Variants in CDH18 observed in about 807,000 individuals in gnomAD.
CDH18 encodes cadherin-18.
CDH18 carries 31 observed loss-of-function variants against 67.9 expected under a neutral mutation model. That is an observed-to-expected ratio of 0.46 (90% CI 0.34 to 0.62). CDH18 has a LOEUF of 0.62. Among genes scored for constraint, CDH18 ranks in the 20% least tolerant of loss-of-function variants. The probability of loss-of-function intolerance (pLI) is 0.01; values close to 1 mark genes in which losing one functional copy is unlikely to be tolerated. For synonymous variants in CDH18, 362 were observed against 347.2 expected (o/e 1.04, Z -0.48); for missense variants, 890 against 975.5 (o/e 0.91, Z 1.17).
At chr5:20,443,765 T>C (rs1308875345) in intron 1 of CDH18, among the ~76,000 whole-genome samples, 3 of 151,952 alleles carry the variant, frequency 2.0e-5, no homozygotes, top group Non-Finnish European at 2.9e-5. Flanking sequence ...ATCATTTCTC[T>C]ATCTCTCATT....
At chr5:19,906,035 C>T (rs1000776024) in intron 2 of CDH18, among the ~76,000 whole-genome samples, 5 of 151,858 alleles carry the variant, frequency 3.3e-5, no homozygotes, top group African/African-American at 7.3e-5. Flanking sequence ...GTGTGTTTTC[C>T]GAAATCAAAC....
At chr5:20,238,637 G>A (rs572838566) in intron 2 of CDH18, among the ~76,000 whole-genome samples, 31 of 152,190 alleles carry the variant, frequency 2.0e-4, no homozygotes, top group African/African-American at 6.3e-4. Flanking sequence ...ACTTCAAAAA[G>A]CAGTTAAACA....
intron 5 of CDH18, among the ~76,000 whole-genome samples, chr5:19,709,285 T>C (rs1412145928): frequency 1.3e-5 from 2 of 152,100 alleles, no homozygotes; most frequent in African/African-American, 4.8e-5. Flanking sequence ...AGAAAAGGCT[T>C]GGCCCAGCAC....
intron 1 of CDH18, among the ~76,000 whole-genome samples, chr5:20,500,851 G>T (rs1581115154): frequency 6.6e-6 from 1 of 152,256 alleles, no homozygotes; most frequent in African/African-American, 2.4e-5. Flanking sequence ...TACAGTGTTT[G>T]ATTGTATAAC....
At chr5:19,799,789 C>G (rs938873608) in intron 3 of CDH18, among the ~76,000 whole-genome samples, 1 of 152,068 alleles carries the variant, frequency 6.6e-6, no homozygotes, top group Non-Finnish European at 1.5e-5. Context: ...CATGCATTAT[C>G]TTTTATGTGC....
intron 1 of CDH18, among the ~76,000 whole-genome samples, chr5:19,983,776 G>A (rs1403485941): frequency 2.0e-5 from 3 of 152,164 alleles, no homozygotes; most frequent in African/African-American, 4.8e-5. Context: ...ACCACACTTA[G>A]AAGTCAAAAC....
intron 2 of CDH18, among the ~76,000 whole-genome samples, chr5:19,878,412 T>A (rs931556233): frequency 6.6e-6 from 1 of 152,214 alleles, no homozygotes. Flanking sequence ...CACAAACAAT[T>A]GTTAGGAACT....
chr5:19,713,162 A>G (rs1163645151), intron 5 of CDH18, among the ~76,000 whole-genome samples: 1 of 151,998 alleles, frequency 6.6e-6, no homozygotes, highest in Admixed American at 6.6e-5. Context: ...CGAGGTCACA[A>G]AAAAAAGAAG....
At chr5:19,905,694 C>A (rs1167873198) in intron 2 of CDH18, among the ~76,000 whole-genome samples, 2 of 151,760 alleles carry the variant, frequency 1.3e-5, no homozygotes, top group African/African-American at 2.4e-5. Flanking sequence ...TAGGAAGTGT[C>A]AGTTGGGGGT....
At chr5:20,030,486 A>C (rs557630751) in intron 2 of CDH18, among the ~76,000 whole-genome samples, 1 of 152,280 alleles carries the variant, frequency 6.6e-6, no homozygotes, top group East Asian at 1.9e-4. Context: ...TTGTTCCAGG[A>C]TCAACAGACA....
intron 5 of CDH18, among the ~76,000 whole-genome samples, chr5:19,683,777 T>C (rs1454274765): frequency 6.6e-6 from 1 of 152,142 alleles, no homozygotes; most frequent in South Asian, 2.1e-4. Flanking sequence ...TACACACTCA[T>C]TACAATTTTA....
At chr5:20,205,348 A>T (rs922418402) in intron 2 of CDH18, among the ~76,000 whole-genome samples, 12 of 152,002 alleles carry the variant, frequency 7.9e-5, no homozygotes, top group Non-Finnish European at 1.6e-4. Context: ...ATAAATATGC[A>T]TCCAACATTG....
At chr5:19,712,822 T>A (rs897218952) in intron 5 of CDH18, among the ~76,000 whole-genome samples, 5 of 151,660 alleles carry the variant, frequency 3.3e-5, no homozygotes, top group African/African-American at 1.2e-4. Flanking sequence ...TGTACATATC[T>A]AAGATACTGG....
At chr5:19,801,131 T>C (rs1360726846) in intron 3 of CDH18, among the ~76,000 whole-genome samples, 1 of 151,882 alleles carries the variant, frequency 6.6e-6, no homozygotes, top group African/African-American at 2.4e-5. Flanking sequence ...ACAATGAAAA[T>C]AGAAATTAAC....
At chr5:19,798,840 T>C (rs1312147959) in intron 3 of CDH18, among the ~76,000 whole-genome samples, 1 of 152,080 alleles carries the variant, frequency 6.6e-6, no homozygotes. Flanking sequence ...TAACATATCT[T>C]TGGAAATTAG....
At chr5:19,882,024 A>AACATCCAAAATCTAATACATACATC (rs1787716766) in intron 2 of CDH18, among the ~76,000 whole-genome samples, 1 of 152,182 alleles carries the variant, frequency 6.6e-6, no homozygotes, top group Admixed American at 6.5e-5. Flanking sequence ...AGATGATGTC[A>AACATCCAAAATCTAATACATACATC]CATACAAATG....
chr5:19,803,247 G>GT (rs1291061188), intron 3 of CDH18, among the ~76,000 whole-genome samples: 10 of 152,158 alleles, frequency 6.6e-5, no homozygotes, highest in Non-Finnish European at 8.8e-5. Context: ...ACATATTAGA[G>GT]TTAGGTATTA....
At chr5:19,582,627 T>G (rs1384947643) in intron 7 of CDH18, among the ~76,000 whole-genome samples, 1 of 151,794 alleles carries the variant, frequency 6.6e-6, no homozygotes, top group African/African-American at 2.4e-5. Flanking sequence ...CTTAGTTGAG[T>G]TTTTTTTGAT....
chr5:20,394,230 G>T (rs1263449878), intron 1 of CDH18, among the ~76,000 whole-genome samples: 1 of 146,600 alleles, frequency 6.8e-6, no homozygotes, highest in Non-Finnish European at 1.5e-5. Flanking sequence ...CAGTGGAAGA[G>T]AATATAGAAT....
Sources: gnomAD v4.1 joint callset for allele counts (sites outside exome capture counted in the v4.1 genomes callset) on GRCh38, gnomAD v4.1.1 for gene constraint, MANE v1.5 for transcripts, NCBI Gene and HGNC (gene_info 2026-07-23, HGNC 2026-07-21) for gene names.